Variants in SRRM2 observed in about 807,000 individuals in gnomAD.
SRRM2 encodes serine/arginine repetitive matrix protein 2.
In SRRM2, 30 loss-of-function variants were observed where a neutral mutation model predicts 213.8. That is an observed-to-expected ratio of 0.14 (90% confidence interval 0.10 to 0.19). SRRM2 has a LOEUF of 0.19. Ranked by LOEUF, SRRM2 falls within the 10% of genes least tolerant of loss-of-function variation. SRRM2 has a pLI of 1.00. For missense variants in SRRM2, 4,904 were observed against 3,647.0 expected, an observed-to-expected ratio of 1.34 and a Z score of -8.88; for synonymous variants, 2,025 against 1,377.7, an observed-to-expected ratio of 1.47 and a Z score of -10.40.
Position 2,757,917 on chromosome 16 carries a change from C to A in SRRM2, c.487C>A (p.Pro163Thr), listed in dbSNP as rs779983798. 5 of 1,614,098 alleles carry A rather than the reference C, an allele frequency of 3.1e-6. No individual in the cohort carries two copies. In the East Asian group the frequency reaches 1.1e-4, roughly 36 times the overall value. ...PQRRAREAKQ[P>T]APEPPKPYSL... ...GCGTCGTGCCCGAGAAGCTAAACAA[C>A]CAGCTCCTGAGCCTCCCAAACCTTA... The change falls in exon 4 of 15, where the codon CCA (proline) becomes ACA (threonine). Residue 163 changes from proline (P) to threonine (T), a missense_variant. Pro to Thr is a conservative substitution (Grantham distance 38). Coordinates refer to ENST00000301740, the MANE Select transcript of SRRM2 (RefSeq NM_016333.4).
At position 2,759,029 on chromosome 16, in the gene SRRM2, CAAAG is replaced by C; in HGVS notation, c.641_644del (p.Lys214ArgfsTer172). 6.2e-7 allele frequency: 1 copy of C among 1,614,086 alleles called. No homozygotes were observed. On this transcript the variant is annotated frameshift_variant, in exon 6 of 15. Coordinates refer to ENST00000301740, the MANE Select transcript of SRRM2 (RefSeq NM_016333.4). LOFTEE classifies it high-confidence loss of function. Reference sequence around the variant, plus strand: ...CCTCGACGGGAGAGAAAGAAAAGCTCAAAGAAGAAGAAGCACAGGTATGAGGTGG... The same window carrying C: ...CCTCGACGGGAGAGAAAGAAAAGCTCAAGAAGAAGCACAGGTATGAGGTGG...
chr16:2,759,562 C>T lies in SRRM2; in HGVS notation c.741-7C>T, dbSNP rs763935030. 1.2e-6 allele frequency: 2 copies of T among 1,614,054 alleles called. No individual in the cohort carries two copies. Among genetic ancestry groups the T allele is most frequent in the Non-Finnish European group, 8.5e-7 (1 of 1,179,964 alleles). On this transcript the variant is annotated splice_polypyrimidine_tract_variant and splice_region_variant and intron_variant, in intron 8 of 14. Coordinates refer to ENST00000301740, the MANE Select transcript of SRRM2 (RefSeq NM_016333.4). ...TACCCTGAGCTGTGGTGGTGGTCTTCCTTCAGGTCTCGAAGTACAACACCA... is the reference window on the plus strand; with the variant it reads ...TACCCTGAGCTGTGGTGGTGGTCTTTCTTCAGGTCTCGAAGTACAACACCA...
intron 3 of SRRM2, 45 bp downstream of exon 3, chr16:2,757,624 C>T (rs1187155588): frequency 3.2e-6 from 5 of 1,585,236 alleles, no homozygotes; most frequent in Admixed American, 3.5e-5. Context: ...TCTACTCTGG[C>T]TGCTGGCTGC....
In SRRM2 at chr16:2,771,390, A is replaced by C; in HGVS notation, c.*523A>C. ...ACAGCAAGAGCAACTTTTTCTGTCA[A>C]ATAAAAATGAGAAATGCAGGAACTG... On this transcript the variant is annotated 3_prime_UTR_variant, in exon 15 of 15. Coordinates refer to ENST00000301740, the MANE Select transcript of SRRM2 (RefSeq NM_016333.4). The C allele has an allele frequency of 1.9e-6, 3 of 1,609,604 alleles. No individual in the cohort carries two copies. The highest frequency in any genetic ancestry group is 1.7e-6 in the Non-Finnish European group (2 of 1,176,338).
Position 2,765,248 on chromosome 16 carries a change from C to A in SRRM2, c.4720C>A (p.Arg1574=), listed in dbSNP as rs771937307. The A allele has an allele frequency of 6.2e-7, 1 of 1,613,948 alleles. No homozygotes were observed. Among genetic ancestry groups the A allele is most frequent in the African/African-American group, 1.3e-5 (1 of 74,912 alleles). Residue 1574 remains arginine (R), a synonymous_variant, in exon 11 of 15, where the codon CGG becomes AGG. Transcript: ENST00000301740. The part of the protein sequence containing the change: ...DSKAKTRTPL[R]QRSRSGSSPE... Reference sequence around the variant, plus strand: ...TAAAGCCAAGACAAGAACCCCACTTCGGCAGAGGAGTCGGTCTGGATCATC... The same window carrying A: ...TAAAGCCAAGACAAGAACCCCACTTAGGCAGAGGAGTCGGTCTGGATCATC...
chr16:2,757,653 T>A, intron 3 of SRRM2, 74 bp downstream of exon 3: 1 of 1,580,768 alleles, frequency 6.3e-7, no homozygotes, highest in Non-Finnish European at 8.6e-7. Flanking sequence ...TCCTTTTCCT[T>A]ACGTGGGACT....
Position 2,766,363 on chromosome 16 carries a change from C to G in SRRM2, c.5835C>G (p.Arg1945=), listed in dbSNP as rs765842447. 1.4e-5 allele frequency: 22 copies of G among 1,614,104 alleles called. No individual in the cohort carries two copies. In the African/African-American group the frequency reaches 2.8e-4, roughly 21 times the overall value. The change falls in exon 11 of 15, where the codon CGC becomes CGG. Residue 1945 remains arginine, a synonymous_variant. Coordinates refer to ENST00000301740, the MANE Select transcript of SRRM2 (RefSeq NM_016333.4). This position sits in a 1 kb window ranked among gnomAD's most constrained non-coding sequence, Gnocchi z 7.0. ...CTAGAACGCCAACAACACGCCGCCGCTCCCGTTCTAGAACTCCACCAGTGA... is the reference window on the plus strand; with the variant it reads ...CTAGAACGCCAACAACACGCCGCCGGTCCCGTTCTAGAACTCCACCAGTGA... ...SRSRTPTTRR[R]SRSRTPPVTR...
Position 2,756,368 on chromosome 16 carries a change from TACAACGG to T in SRRM2, c.5_11del (p.Tyr2Ter), listed in dbSNP as rs1000103778. ...TGCCCCCCCCGGGCACGGGGCCATG[TACAACGG>T]GATCGGGCTGCCGACGCCCCGGGGC... On this transcript the variant is annotated frameshift_variant, in exon 2 of 15. Transcript: ENST00000301740. LOFTEE classifies it high-confidence loss of function. 6.2e-7 allele frequency: 1 copy of T among 1,602,884 alleles called. No individual in the cohort carries two copies. Among genetic ancestry groups the T allele is most frequent in the Non-Finnish European group, 8.5e-7 (1 of 1,176,734 alleles).
At chr16:2,770,572 C>T (rs748781161) in intron 13 of SRRM2, 32 bp from the exon 14 acceptor site, 10 of 1,551,756 alleles carry the variant, frequency 6.4e-6, no homozygotes, top group South Asian at 3.6e-5. Flanking sequence ...GGTGGTGCCA[C>T]CCTGTGGCCT....
At chr16:2,755,465 G>T (rs2068107731) in intron 1 of SRRM2, among the ~76,000 whole-genome samples, 1 of 152,188 alleles carries the variant, frequency 6.6e-6, no homozygotes, top group African/African-American at 2.4e-5. Context: ...TGGAACAGAG[G>T]AGGCTGGTTT....
rs747941503 is a variant in SRRM2 at position 2,762,468 on chromosome 16, C to T, written c.1940C>T (p.Ser647Leu). Reference protein sequence around the residue: ...SRSPARRSGRSRSRTPARRGR... With the variant: ...SRSPARRSGRLRSRTPARRGR... The stretch of plus-strand genomic sequence containing the variant: ...TCACCAGCCAGGAGAAGTGGCAGGT[C>T]ACGCTCTAGAACCCCAGCTAGACGT... Residue 647 changes from serine (S) to leucine (L), a missense_variant, in exon 11 of 15, where the codon TCA becomes TTA. Coordinates refer to ENST00000301740, the MANE Select transcript of SRRM2 (RefSeq NM_016333.4). 1.2e-6 allele frequency: 2 copies of T among 1,613,404 alleles called. No homozygotes were observed. The highest frequency in any genetic ancestry group is 2.2e-5 in the South Asian group (2 of 91,010).
intron 8 of SRRM2, 35 bp from the exon 9 acceptor site, chr16:2,759,534 C>T (rs1349608362): frequency 5.0e-6 from 8 of 1,609,682 alleles, no homozygotes; most frequent in South Asian, 4.4e-5. Context: ...GCAGGTACAG[C>T]AGTACCCTGA....
Position 2,766,390 on chromosome 16 carries a change from T to A in SRRM2, c.5862T>A (p.Thr1954=), listed in dbSNP as rs778841659. The A allele has an allele frequency of 6.2e-7, 1 of 1,613,988 alleles. No homozygotes were observed. The highest frequency in any genetic ancestry group is 2.2e-5 in the East Asian group (1 of 44,878). The change falls in exon 11 of 15, where the codon ACT becomes ACA. Residue 1954 remains threonine (T), a synonymous_variant. Transcript: ENST00000301740. This position sits in a 1 kb window ranked among gnomAD's most constrained non-coding sequence, Gnocchi z 7.0. Reference sequence around the variant, plus strand: ...CCCGTTCTAGAACTCCACCAGTGACTCGCAGAAGGTCCAGATCCAGGACTC... The same window carrying A: ...CCCGTTCTAGAACTCCACCAGTGACACGCAGAAGGTCCAGATCCAGGACTC... ...RRSRSRTPPV[T]RRRSRSRTPP...
At position 2,752,719 on chromosome 16, in the gene SRRM2, G is replaced by A. The variant is rs747066788; in HGVS notation, c.-159G>A. 5.6e-6 allele frequency: 2 copies of A among 358,726 alleles called. No individual in the cohort carries two copies. Among genetic ancestry groups the A allele is most frequent in the Admixed American group, 7.2e-5 (2 of 27,806 alleles). The allele number at this position is 358,726 out of a possible 1,614,324, so 22.2% of individuals were successfully genotyped here. A position where few individuals can be genotyped will look rare whatever the true frequency, so the allele number is the denominator to read the frequency against. On this transcript the variant is annotated 5_prime_UTR_variant, in exon 1 of 15. Coordinates refer to ENST00000301740, the MANE Select transcript of SRRM2 (RefSeq NM_016333.4). ...GCGGCCCCTGAGGAAGCGAGGAGGC[G>A]TCGGCGTCGGCTGAGGCGGGCGGAC... is the stretch of plus-strand genomic sequence containing the variant.
rs1346664475 is a variant in SRRM2 at position 2,766,696 on chromosome 16, C to T, written c.6168C>T (p.Ser2056=). Residue 2056 remains serine (S), a synonymous_variant, in exon 11 of 15, where the codon TCC becomes TCT. Transcript: ENST00000301740. The surrounding 1 kb of genome is among the most constrained non-coding windows in gnomAD (Gnocchi z 7.0). The stretch of plus-strand genomic sequence containing the variant: ...TTGCTATCCGCCGCCGCTCCAGATC[C>T]CGTACTCCACGAACAGCTCGGGGTA... The part of the protein sequence containing the change: ...SPLAIRRRSR[S]RTPRTARGKR... 6.2e-7 allele frequency: 1 copy of T among 1,614,192 alleles called. No individual in the cohort carries two copies.
rs1331552448 is a variant in SRRM2 at position 2,770,471 on chromosome 16, G to C, written c.8135+6G>C. The C allele has an allele frequency of 6.2e-7, 1 of 1,602,194 alleles. No homozygotes were observed. The highest frequency in any genetic ancestry group is 8.5e-7 in the Non-Finnish European group (1 of 1,174,860). On this transcript the variant is annotated splice_donor_region_variant and intron_variant, in intron 13 of 14. Transcript: ENST00000301740. ...TCACCACGGGACCAGCAGAGGTAAG[G>C]CCAACTGCAGGTGTCAGCACCCAGC...
intron 10 of SRRM2, 107 bp downstream of exon 10, chr16:2,760,606 A>G (rs2068307986): frequency 7.4e-7 from 1 of 1,348,450 alleles, no homozygotes; most frequent in African/African-American, 1.5e-5. Flanking sequence ...AAATAAATTC[A>G]GTTTTTTTTC....
Position 2,757,877 on chromosome 16 carries a change from C to G in SRRM2, c.447C>G (p.Ser149Arg). 6.2e-7 allele frequency: 1 copy of G among 1,614,168 alleles called. No individual in the cohort carries two copies. Among genetic ancestry groups the G allele is most frequent in the Non-Finnish European group, 8.5e-7 (1 of 1,180,022 alleles). The change falls in exon 4 of 15, where the codon AGC becomes AGG. Residue 149 changes from serine (S) to arginine (R), a missense_variant. By Grantham distance (110) the Ser-to-Arg change is moderately radical. Transcript: ENST00000301740. ...FGISDSYVDG[S>R]SFDPQRRARE... ...TCAGTGATTCTTACGTAGATGGCAG[C>G]TCTTTTGATCCTCAGCGTCGTGCCC...
intron 1 of SRRM2, among the ~76,000 whole-genome samples, chr16:2,755,511 A>T (rs900666342): frequency 6.6e-6 from 1 of 152,208 alleles, no homozygotes; most frequent in African/African-American, 2.4e-5. Flanking sequence ...AAAACAGGTA[A>T]TATTTGACAG....
Sources: gnomAD v4.1 joint callset for allele counts (sites outside exome capture counted in the v4.1 genomes callset) on GRCh38, gnomAD v4.1.1 for gene constraint, Gnocchi (gnomAD v3.1) non-coding constraint, MANE v1.5 for transcripts, NCBI Gene and HGNC (gene_info 2026-07-23, HGNC 2026-07-21) for gene names.